ROBO2: variants seen among roughly 807,000 people sequenced by gnomAD.
The protein encoded by ROBO2 is roundabout homolog 2.
In ROBO2, 53 loss-of-function variants were observed where a neutral mutation model predicts 160.8. That is an observed-to-expected ratio of 0.33 (90% confidence interval 0.26 to 0.41). ROBO2 has a LOEUF of 0.41. ROBO2 is among the 10% of genes least tolerant of loss of function. ROBO2 has a pLI of 1.00. For synonymous variants in ROBO2, 664 were observed against 611.7 expected (o/e 1.09, Z -1.26); for missense variants, 1,577 against 1,722.4 (o/e 0.92, Z 1.49).
chr3:77,059,002 T>A (rs974110183), intron 1 of ROBO2, among the ~76,000 whole-genome samples: 1 of 152,210 alleles, frequency 6.6e-6, no homozygotes, highest in East Asian at 1.9e-4. Flanking sequence ...GTTTTTACTT[T>A]GGTGAGAAAG....
chr3:76,946,002 A>C (rs2078516222), intron 2 of ROBO2, among the ~76,000 whole-genome samples: 1 of 152,106 alleles, frequency 6.6e-6, no homozygotes, highest in South Asian at 2.1e-4. Flanking sequence ...TGAATGGCAA[A>C]TTTTACCTTT....
chr3:77,472,431 C>T (rs967005798), intron 2 of ROBO2, among the ~76,000 whole-genome samples: 6 of 152,018 alleles, frequency 3.9e-5, no homozygotes. Context: ...ATCTCTATGT[C>T]GTAAGGTAGT....
chr3:76,169,672 TAATA>T lies in ROBO2; in HGVS notation c.109+232074_109+232077del, dbSNP rs550714287. On this transcript the variant is annotated intron_variant, in intron 2 of 26. Transcript: ENST00000487694. ...ATTGATAATAATAAATAATCATTGATAATAAATCATAATTTATTGATGTACAGTG... is the reference window on the plus strand; with the variant it reads ...ATTGATAATAATAAATAATCATTGATAATCATAATTTATTGATGTACAGTG... Among the ~76,000 whole-genome samples, 13 of 152,348 alleles carry T rather than the reference TAATA, an allele frequency of 8.5e-5. No individual in the cohort carries two copies. In the South Asian group the frequency reaches 2.5e-3, roughly 29 times the overall value.
intron 2 of ROBO2, among the ~76,000 whole-genome samples, chr3:76,946,631 T>C (rs890302630): frequency 1.8e-4 from 28 of 152,118 alleles, no homozygotes; most frequent in African/African-American, 6.7e-4. Flanking sequence ...AGGGATGAGG[T>C]TTCACCATGT....
At chr3:76,909,521 T>G (rs776903376) in intron 2 of ROBO2, among the ~76,000 whole-genome samples, 9 of 152,184 alleles carry the variant, frequency 5.9e-5, no homozygotes, top group Admixed American at 2.6e-4. Flanking sequence ...AACTCATTCA[T>G]GTAACCAAAC....
rs533317216 is a variant in ROBO2 at position 76,885,476 on chromosome 3, C to T, written c.110-212538C>T. ...GCCGTACAAAAATAAAGCTGTTATA[C>T]GTTTTATCATAATTTATTAATGATA... On this transcript the variant is annotated intron_variant, in intron 2 of 26. Transcript: ENST00000487694. Among the ~76,000 whole-genome samples the T allele has an allele frequency of 6.8e-4, 103 of 152,144 alleles. 1 individual carries two copies. The highest frequency in any genetic ancestry group is 2.2e-3 in the African/African-American group (93 of 41,518).
chr3:76,034,811 A>G (rs2067049553), intron 2 of ROBO2, among the ~76,000 whole-genome samples: 1 of 152,098 alleles, frequency 6.6e-6, no homozygotes, highest in Non-Finnish European at 1.5e-5. Flanking sequence ...GCTATCATTC[A>G]TCATGCCCCA....
intron 5 of ROBO2, among the ~76,000 whole-genome samples, chr3:77,512,270 C>A (rs2089488958): frequency 6.6e-6 from 1 of 151,932 alleles, no homozygotes; most frequent in African/African-American, 2.4e-5. Context: ...ATAGGAGTTT[C>A]AAGTGTTGCC....
rs1463800881 is a variant in ROBO2, at chr3:77,354,650, C to T, written c.389-122764C>T. Among the ~76,000 whole-genome samples, 3 of 152,032 alleles carry T rather than the reference C, an allele frequency of 2.0e-5. No individual in the cohort carries two copies. The East Asian group carries it at 5.8e-4, about 29-fold the overall frequency. On this transcript the variant is annotated intron_variant, in intron 2 of 25. Coordinates refer to ENST00000461745, the Ensembl canonical transcript of ROBO2. ...TTAAGGTGTTATCTGAATCAGAATC[C>T]CTGGAAACAACACCTGAGCATAGGT... is the stretch of plus-strand genomic sequence containing the variant.
intron 2 of ROBO2, among the ~76,000 whole-genome samples, chr3:76,788,546 A>G (rs9309751): frequency 0.01 from 1,551 of 151,650 alleles, 22 homozygotes; most frequent in African/African-American, 0.035. Context: ...TGTAGATATT[A>G]CCAAATTTGT....
chr3:77,358,536 A>G (rs2069460067), intron 2 of ROBO2, among the ~76,000 whole-genome samples: 1 of 152,236 alleles, frequency 6.6e-6, no homozygotes, highest in Non-Finnish European at 1.5e-5. Flanking sequence ...CAATAAGGCA[A>G]TCATTATAAG....
At chr3:76,437,259 A>T (rs1031880403) in intron 2 of ROBO2, among the ~76,000 whole-genome samples, 1 of 152,218 alleles carries the variant, frequency 6.6e-6, no homozygotes, top group African/African-American at 2.4e-5. Flanking sequence ...AAGGAATCAC[A>T]TATGAATAAT....
At chr3:77,312,759 T>C (rs1006465580) in intron 2 of ROBO2, among the ~76,000 whole-genome samples, 8 of 152,198 alleles carry the variant, frequency 5.3e-5, no homozygotes, top group Admixed American at 5.2e-4. Context: ...TGAAAATGTC[T>C]ACCTTAAGCA....
At chr3:76,777,741 G>C (rs180756569) in intron 2 of ROBO2, among the ~76,000 whole-genome samples, 68 of 151,106 alleles carry the variant, frequency 4.5e-4, no homozygotes, top group African/African-American at 1.5e-3. Flanking sequence ...TCTTGTATAA[G>C]AGATGGAACA....
chr3:76,377,249 A>G (rs2076392784), intron 2 of ROBO2, among the ~76,000 whole-genome samples: 1 of 152,164 alleles, frequency 6.6e-6, no homozygotes, highest in Non-Finnish European at 1.5e-5. Context: ...TTAAATTGAA[A>G]ATGAAATCCA....
At chr3:76,415,593 T>C (rs2075722477) in intron 2 of ROBO2, among the ~76,000 whole-genome samples, 1 of 152,180 alleles carries the variant, frequency 6.6e-6, no homozygotes, top group South Asian at 2.1e-4. Flanking sequence ...GACTAGCACA[T>C]AGTATTTATA....
intron 2 of ROBO2, among the ~76,000 whole-genome samples, chr3:76,950,781 C>T (rs1174676005): frequency 3.3e-5 from 5 of 152,134 alleles, no homozygotes; most frequent in African/African-American, 1.2e-4. Context: ...GGCTGGAGTG[C>T]AGTTGTGCAA....
intron 2 of ROBO2, among the ~76,000 whole-genome samples, chr3:75,975,464 A>G (rs892510410): frequency 4.6e-5 from 7 of 151,256 alleles, no homozygotes; most frequent in Non-Finnish European, 8.9e-5. Context: ...CTCTTTATTT[A>G]TATATATTAA....
intron 2 of ROBO2, among the ~76,000 whole-genome samples, chr3:76,040,393 T>C (rs1041260871): frequency 6.6e-6 from 1 of 151,800 alleles, no homozygotes; most frequent in Non-Finnish European, 1.5e-5. Context: ...AATACTAAAA[T>C]ATCAATTTAA....
Sources: gnomAD v4.1 joint callset for allele counts (sites outside exome capture counted in the v4.1 genomes callset) on GRCh38, gnomAD v4.1.1 for gene constraint, MANE v1.5 for transcripts, NCBI Gene and HGNC (gene_info 2026-07-23, HGNC 2026-07-21) for gene names.